ZNF18: variants seen among roughly 807,000 people sequenced by gnomAD.
ZNF18 encodes zinc finger protein 18.
ZNF18 carries 42 observed loss-of-function variants against 58.1 expected under a neutral mutation model. That is an observed-to-expected ratio of 0.72 (90% confidence interval 0.56 to 0.93). The LOEUF is 0.93. ZNF18 is among the 40% of genes least tolerant of loss of function. The pLI is 0.00. For synonymous variants in ZNF18, 231 were observed against 239.8 expected (o/e 0.96, Z 0.34); for missense variants, 540 against 644.2 (o/e 0.84, Z 1.75).
In ZNF18 at chr17:11,983,407, G is replaced by A; in HGVS notation, c.752C>T (p.Ala251Val). 6.2e-7 allele frequency: 1 copy of A among 1,610,748 alleles called. No individual in the cohort carries two copies. Among genetic ancestry groups the A allele is most frequent in the Non-Finnish European group, 8.5e-7 (1 of 1,176,962 alleles). Residue 251 changes from alanine (A) to valine (V), a missense_variant and splice_region_variant, in exon 6 of 7, where the codon GCA becomes GTA. Ala to Val is a moderately conservative substitution (Grantham distance 64, BLOSUM62 0). Coordinates refer to ENST00000580306, the MANE Select transcript of ZNF18 (RefSeq NM_001303281.2). ...LETYGKMVSG[A>V]GISHPKSDLT... ...GTCAGATTTGGGATGGGAAATGCCT[G>A]CTATAGAGAGAAAGATGTATGGTGG...
At chr17:12,001,549 A>G (rs1968655995), upstream of ZNF18, among the ~76,000 whole-genome samples, 1 of 152,144 alleles carries the variant, frequency 6.6e-6, no homozygotes. Flanking sequence ...GAATGGCATG[A>G]ACCCAGGAGG....
At chr17:12,005,578 GT>G in the ZNF18 span, among the ~76,000 whole-genome samples, 2 of 152,168 alleles carry the variant, frequency 1.3e-5, no homozygotes, top group South Asian at 4.1e-4. Flanking sequence ...CCATTTGGAG[GT>G]TTGGGGAGGT....
the ZNF18 span, among the ~76,000 whole-genome samples, chr17:12,013,185 C>A: frequency 6.6e-6 from 1 of 152,028 alleles, no homozygotes; most frequent in Non-Finnish European, 1.5e-5. Context: ...CTCTTGACAT[C>A]GTGATCCACC....
chr17:11,989,318 C>G (rs1190079443), intron 4 of ZNF18, among the ~76,000 whole-genome samples: 1 of 152,116 alleles, frequency 6.6e-6, no homozygotes, highest in South Asian at 2.1e-4. Context: ...AAGTGAAACC[C>G]TGTCTCAAAA....
chr17:12,013,900 A>G, the ZNF18 span, among the ~76,000 whole-genome samples: 7 of 152,386 alleles, frequency 4.6e-5, no homozygotes, highest in African/African-American at 1.7e-4. Flanking sequence ...TTTGGAAAAG[A>G]GTAAGGCTTT....
chr17:12,017,714 C>T, the ZNF18 span, among the ~76,000 whole-genome samples: 1 of 151,690 alleles, frequency 6.6e-6, no homozygotes, highest in Admixed American at 6.6e-5. Context: ...CCCGTCTCTA[C>T]TAAAAGTAAA....
chr17:11,977,774 T>C lies in ZNF18; in HGVS notation c.*183A>G, dbSNP rs903370179. ...GAGGCAGAATCAAGAATTTAAGCCA[T>C]TGTGCAATCCAATCCAAGATATCCT... On this transcript the variant is annotated 3_prime_UTR_variant, in exon 7 of 7. Coordinates refer to ENST00000580306, the MANE Select transcript of ZNF18 (RefSeq NM_001303281.2). The C allele has an allele frequency of 1.1e-5, 7 of 611,110 alleles. No individual in the cohort carries two copies. Among genetic ancestry groups the C allele is most frequent in the Non-Finnish European group, 2.7e-6 (1 of 375,868 alleles). The allele number at this position is 611,110 out of a possible 1,614,324, so 37.9% of individuals were successfully genotyped here. A position where few individuals can be genotyped will look rare whatever the true frequency, so the allele number is the denominator to read the frequency against.
chr17:12,001,609 A>T (rs1411797609), upstream of ZNF18, among the ~76,000 whole-genome samples: 1 of 152,048 alleles, frequency 6.6e-6, no homozygotes, highest in Admixed American at 6.6e-5. Flanking sequence ...AGCCTGGGGG[A>T]CACAGAGAGA....
At chr17:12,003,020 C>T in the ZNF18 span, among the ~76,000 whole-genome samples, 1 of 152,160 alleles carries the variant, frequency 6.6e-6, no homozygotes, top group Admixed American at 6.5e-5. Flanking sequence ...TGATTTAACT[C>T]ATGGCAGAAG....
In ZNF18 at chr17:11,977,864, G is replaced by GA; in HGVS notation, c.*92_*93insT. The GA allele has an allele frequency of 7.1e-7, 1 of 1,402,410 alleles. No individual in the cohort carries two copies. The highest frequency in any genetic ancestry group is 9.7e-7 in the Non-Finnish European group (1 of 1,033,950). 86.9% of individuals were successfully genotyped at this position (1,402,410 alleles called of 1,614,324 possible). On this transcript the variant is annotated 3_prime_UTR_variant, in exon 7 of 7. Transcript: ENST00000580306. ...CCAAGAAAAAAGGAGATTAACAGGG[G>GA]TATCCTCTTAGACACAATTCCTCTT...
the ZNF18 span, among the ~76,000 whole-genome samples, chr17:12,016,022 C>T: frequency 6.6e-6 from 1 of 152,204 alleles, no homozygotes; most frequent in African/African-American, 2.4e-5. Flanking sequence ...AACACCTGAC[C>T]TCAAGTAATC....
At chr17:11,985,702 A>G (rs1967692640) in intron 4 of ZNF18, among the ~76,000 whole-genome samples, 1 of 152,206 alleles carries the variant, frequency 6.6e-6, no homozygotes, top group Non-Finnish European at 1.5e-5. Flanking sequence ...CCTGTCCAGG[A>G]CAGAAGAGGC....
intron 2 of ZNF18, 65 bp downstream of exon 2, chr17:11,992,378 C>T (rs559737516): frequency 1.9e-6 from 3 of 1,539,298 alleles, no homozygotes; most frequent in South Asian, 1.3e-5. Context: ...AAAAAGACAA[C>T]ACACCTGATG....
rs549537925 is a variant in ZNF18, at chr17:11,981,658, A to G, written c.862+1639T>C. The stretch of plus-strand genomic sequence containing the variant: ...GATGAAGGAAAAACAAACAAACAAA[A>G]AACGAGTAGGAATATAGTGAGCTAT... On this transcript the variant is annotated intron_variant, in intron 6 of 6. Coordinates refer to ENST00000580306, the MANE Select transcript of ZNF18 (RefSeq NM_001303281.2). Among the ~76,000 whole-genome samples, 5 of 152,120 alleles carry G rather than the reference A, an allele frequency of 3.3e-5. No homozygotes were observed. The South Asian group carries it at 1.0e-3, about 32-fold the overall frequency.
the ZNF18 span, among the ~76,000 whole-genome samples, chr17:12,013,957 CT>C: frequency 7.9e-5 from 12 of 152,198 alleles, no homozygotes; most frequent in Non-Finnish European, 1.5e-4. Context: ...CCAAAAGTGA[CT>C]GACAGATGGT....
At chr17:11,979,942 C>A (rs1967229419) in intron 6 of ZNF18, among the ~76,000 whole-genome samples, 1 of 152,188 alleles carries the variant, frequency 6.6e-6, no homozygotes, top group South Asian at 2.1e-4. Flanking sequence ...TGTTCCCCTA[C>A]CATGGAAATC....
chr17:12,010,583 T>G, the ZNF18 span, among the ~76,000 whole-genome samples: 7 of 151,436 alleles, frequency 4.6e-5, no homozygotes, highest in Non-Finnish European at 1.0e-4. Flanking sequence ...GCCCAGCTAA[T>G]TTTTTTGTAT....
the ZNF18 span, among the ~76,000 whole-genome samples, chr17:12,005,196 A>G: frequency 6.6e-6 from 1 of 150,884 alleles, no homozygotes; most frequent in South Asian, 2.1e-4. Flanking sequence ...CACAGATACT[A>G]ATATATGCAT....
chr17:12,002,483 C>A, the ZNF18 span: 1 of 152,106 alleles, frequency 6.6e-6, no homozygotes, highest in African/African-American at 2.4e-5. Context: ...GAGAGTCAGA[C>A]ATGGCAAATA....
Sources: allele counts gnomAD v4.1 joint callset (sites outside exome capture counted in the v4.1 genomes callset), GRCh38; gene constraint gnomAD v4.1.1; transcripts MANE v1.5; gene names NCBI Gene and HGNC (gene_info 2026-07-23, HGNC 2026-07-21).